The following ITGA1 variants were observed in gnomAD, a reference collection of about 807,000 sequenced individuals.
ITGA1 encodes integrin alpha-1.
A neutral mutation model predicts 145.9 loss-of-function variants in ITGA1; 85 were observed. That is an observed-to-expected ratio of 0.58 (90% CI 0.49 to 0.70). The LOEUF (loss-of-function observed/expected upper bound fraction) is 0.70. ITGA1 is among the 30% of genes least tolerant of loss of function. ITGA1 has a pLI of 0.00. For missense variants in ITGA1, 1,351 were observed against 1,418.7 expected, an observed-to-expected ratio of 0.95 and a Z score of 0.77; for synonymous variants, 520 against 495.3, an observed-to-expected ratio of 1.05 and a Z score of -0.66.
intron 26 of ITGA1, among the ~76,000 whole-genome samples, chr5:52,943,701 A>G (rs1257705175): frequency 7.2e-5 from 11 of 152,142 alleles, no homozygotes; most frequent in African/African-American, 2.7e-4. Flanking sequence ...GGAGGGAGTC[A>G]TGCCCTACTC....
intron 17 of ITGA1, among the ~76,000 whole-genome samples, chr5:52,921,130 G>C (rs182256986): frequency 6.6e-6 from 1 of 152,058 alleles, no homozygotes; most frequent in African/African-American, 2.4e-5. Context: ...TCCCAACAGA[G>C]GGCAGGAGTT....
At position 52,925,050 on chromosome 5, in the gene ITGA1, G is replaced by A. The variant is rs111893021; in HGVS notation, c.2404-228G>A. Reference sequence around the variant, plus strand: ...TGCAAAGCACCCATGAAAATTGTGCGTTCTTAAAAGGACAAGCACAATTTA... The same window carrying A: ...TGCAAAGCACCCATGAAAATTGTGCATTCTTAAAAGGACAAGCACAATTTA... On this transcript the variant is annotated intron_variant, in intron 18 of 28. Transcript: ENST00000282588. 1.0e-3 allele frequency among the ~76,000 whole-genome samples: 158 copies of A among 152,250 alleles called. 3 individuals are homozygous for A. The Middle Eastern group carries it at 0.014, about 13-fold the overall frequency.
Position 52,939,918 on chromosome 5 carries a change from A to G in ITGA1, c.3259A>G (p.Ile1087Val). The G allele has an allele frequency of 6.2e-7, 1 of 1,611,604 alleles. No individual in the cohort carries two copies. Among genetic ancestry groups the G allele is most frequent in the Admixed American group, 1.7e-5 (1 of 60,022 alleles). ...CATCAGCCAAGTCAATGTTTCGCTT[A>G]TCTTGTGGAAACCAACTTTTATAAA... ...SDISQVNVSL[I>V]LWKPTFIKSY... is the part of the protein sequence containing the mutation. Residue 1087 changes from isoleucine to valine, a missense_variant, in exon 26 of 29, where the codon ATC becomes GTC. Ile to Val is a conservative substitution (Grantham distance 29, BLOSUM62 3). Transcript: ENST00000282588.
At chr5:52,929,589 C>A in intron 20 of ITGA1, 36 bp from the exon 21 acceptor site, 1 of 1,082,412 alleles carries the variant, frequency 9.2e-7, no homozygotes, top group South Asian at 1.3e-5. Context: ...AAGTAAATTT[C>A]TTATCTGTTA....
intron 1 of ITGA1, chr5:52,800,543 A>G (rs749484314): frequency 6.2e-7 from 1 of 1,613,960 alleles, no homozygotes; most frequent in South Asian, 1.1e-5. Flanking sequence ...GTACAGACAG[A>G]GTCCTCCACG....
chr5:52,948,413 G>A lies in ITGA1; in HGVS notation c.3495+952G>A, dbSNP rs117410665. Among the ~76,000 whole-genome samples, 302 of 152,234 alleles carry A rather than the reference G, an allele frequency of 2.0e-3. 8 individuals carry two copies. In the East Asian group the frequency reaches 0.051, roughly 26 times the overall value. ...ATTATTTAATCAAATAGTTTAAATA[G>A]CAAGTTTCTCTCCCACTGAAATACC... On this transcript the variant is annotated intron_variant, in intron 28 of 28. Coordinates refer to ENST00000282588, the MANE Select transcript of ITGA1 (RefSeq NM_181501.2).
At chr5:52,815,565 T>C (rs1748753024) in intron 1 of ITGA1, among the ~76,000 whole-genome samples, 1 of 152,128 alleles carries the variant, frequency 6.6e-6, no homozygotes, top group Non-Finnish European at 1.5e-5. Context: ...TTCCCAGGAT[T>C]GGTCTTGGCT....
chr5:52,939,863 T>C lies in ITGA1; in HGVS notation c.3204T>C (p.Ala1068=), dbSNP rs1751027756. 1.9e-6 allele frequency: 3 copies of C among 1,612,098 alleles called. No homozygotes were observed. Among genetic ancestry groups the C allele is most frequent in the South Asian group, 1.1e-5 (1 of 91,044 alleles). ...TILDCNTCKF[A]TITCNLTSSD... ...AGGACTGCAATACATGTAAATTTGC[T>C]ACCATCACATGTAATCTCACTTCTT... Residue 1068 remains alanine (A), a synonymous_variant, in exon 26 of 29, where the codon GCT becomes GCC. Coordinates refer to ENST00000282588, the MANE Select transcript of ITGA1 (RefSeq NM_181501.2).
intron 1 of ITGA1, among the ~76,000 whole-genome samples, chr5:52,790,539 CA>C (rs1390569021): frequency 6.6e-6 from 1 of 152,214 alleles, no homozygotes; most frequent in East Asian, 1.9e-4. Flanking sequence ...AGCCTCTGGC[CA>C]CCACCTGCAT....
At chr5:52,910,862 CTATA>C (rs909184861) in intron 14 of ITGA1, among the ~76,000 whole-genome samples, 7 of 139,012 alleles carry the variant, frequency 5.0e-5, no homozygotes, top group Non-Finnish European at 7.6e-5. Context: ...TATATACACA[CTATA>C]TATAGTATAT....
chr5:52,896,425 A>G (rs904020330), intron 9 of ITGA1, among the ~76,000 whole-genome samples: 2 of 152,232 alleles, frequency 1.3e-5, no homozygotes, highest in South Asian at 2.1e-4. Context: ...TTACAGGGCA[A>G]TTCACACAAG....
intron 1 of ITGA1, among the ~76,000 whole-genome samples, chr5:52,789,648 G>A (rs1748201037): frequency 1.3e-5 from 2 of 152,148 alleles, no homozygotes; most frequent in Admixed American, 6.5e-5. Flanking sequence ...CATTATAGCC[G>A]GTGAGTGGTT....
chr5:52,912,669 T>A (rs1490706169), intron 14 of ITGA1, among the ~76,000 whole-genome samples: 1 of 147,330 alleles, frequency 6.8e-6, no homozygotes, highest in African/African-American at 2.5e-5. Flanking sequence ...AGTGTATCTA[T>A]AAACTATATA....
At chr5:52,888,056 A>G (rs1294861633) in intron 8 of ITGA1, 91 bp downstream of exon 8, 2 of 1,328,662 alleles carry the variant, frequency 1.5e-6, no homozygotes, top group Non-Finnish European at 2.1e-6. Context: ...CACACAAACC[A>G]GGTTGGAAAA....
intron 12 of ITGA1, among the ~76,000 whole-genome samples, chr5:52,907,795 G>A (rs1032858912): frequency 6.6e-6 from 1 of 152,114 alleles, no homozygotes; most frequent in Non-Finnish European, 1.5e-5. Flanking sequence ...TCCAGTTGAC[G>A]GTTGCCATGT....
Position 52,887,755 on chromosome 5 carries a change from TA to T in ITGA1, c.774-59del, listed in dbSNP as rs1328418114. The stretch of plus-strand genomic sequence containing the variant: ...TAGTCAGTGTTTTTGTTTAGTTTTT[TA>T]CTTTGTCTATTGTAAAGTGGTGTCT... On this transcript the variant is annotated intron_variant, in intron 7 of 28. Coordinates refer to ENST00000282588, the MANE Select transcript of ITGA1 (RefSeq NM_181501.2). 7 of 1,495,164 alleles carry T rather than the reference TA, an allele frequency of 4.7e-6. No homozygotes were observed. The African/African-American group carries it at 8.4e-5, about 18-fold the overall frequency. The allele number at this position is 1,495,164 out of a possible 1,614,324, so 92.6% of individuals were successfully genotyped here.
intron 3 of ITGA1, among the ~76,000 whole-genome samples, chr5:52,863,686 T>G (rs531428664): frequency 1.3e-5 from 2 of 152,192 alleles, no homozygotes; most frequent in South Asian, 2.1e-4. Flanking sequence ...GAGTTACTCC[T>G]CCCTTACTGG....
intron 14 of ITGA1, among the ~76,000 whole-genome samples, chr5:52,911,140 GTATATAGTGTA>G (rs1458905534): frequency 3.0e-5 from 4 of 135,208 alleles, no homozygotes; most frequent in Non-Finnish European, 6.1e-5. Context: ...TTTATATATT[GTATATAGTGTA>G]TATATAGTGT....
chr5:52,946,134 CTAAAAGTGATCATTTTGTAATTG>C, intron 27 of ITGA1, among the ~76,000 whole-genome samples: 1 of 152,246 alleles, frequency 6.6e-6, no homozygotes, highest in African/African-American at 2.4e-5. Context: ...GATAAAATTA[CTAAAAGTGATCATTTTGTAATTG>C]TGTGATCTGA....
Sources: gnomAD v4.1 joint callset for allele counts (sites outside exome capture counted in the v4.1 genomes callset) on GRCh38, gnomAD v4.1.1 for gene constraint, MANE v1.5 for transcripts, NCBI Gene and HGNC (gene_info 2026-07-23, HGNC 2026-07-21) for gene names.